The following FASTKD2 variants were observed in gnomAD, a reference collection of about 807,000 sequenced individuals.
FASTKD2 encodes the protein FAST kinase domain-containing protein 2, mitochondrial.
A neutral mutation model predicts 63.6 loss-of-function variants in FASTKD2; 51 were observed. The ratio of observed to expected loss-of-function variants is 0.80; its 90% CI spans 0.64 to 1.01. The LOEUF (loss-of-function observed/expected upper bound fraction) is 1.01. Among genes scored for constraint, FASTKD2 ranks in the 50% least tolerant of loss-of-function variants. The pLI is 0.00. For synonymous variants in FASTKD2, 284 were observed against 293.4 expected (o/e 0.97, Z 0.33); for missense variants, 786 against 831.1 (o/e 0.95, Z 0.67).
Position 206,785,583 on chromosome 2 carries a change from AG to A in FASTKD2, c.1428-1149del, listed in dbSNP as rs1411936783. Among the ~76,000 whole-genome samples the A allele has an allele frequency of 2.0e-5, 3 of 152,142 alleles. No homozygotes were observed. In the East Asian group the frequency reaches 5.8e-4, roughly 29 times the overall value. Reference sequence around the variant, plus strand: ...ACAGGGTGAGGAGTGGGGCAAGAGAAGACCAGAGGGGGGATCATTACCCAGG... The same window carrying A: ...ACAGGGTGAGGAGTGGGGCAAGAGAAACCAGAGGGGGGATCATTACCCAGG... On this transcript the variant is annotated intron_variant, in intron 7 of 11. Coordinates refer to ENST00000402774, the MANE Select transcript of FASTKD2 (RefSeq NM_001136193.2).
rs1689515136 is a variant in FASTKD2, at chr2:206,767,017, T to C, written c.324T>C (p.Tyr108=). ...LTALRIERLL[Y]AKRLFFDSKQ... is the part of the protein sequence containing the mutation. ...CCCTTAGAATTGAAAGACTACTTTA[T>C]GCTAAAAGACTGTTTTTTGACTCAA... is the stretch of plus-strand genomic sequence containing the variant. Residue 108 remains tyrosine, a synonymous_variant, in exon 2 of 12, where the codon TAT becomes TAC. Transcript: ENST00000402774. The C allele has an allele frequency of 1.2e-6, 2 of 1,613,664 alleles. No individual in the cohort carries two copies. The highest frequency in any genetic ancestry group is 1.1e-5 in the South Asian group (1 of 91,066).
At position 206,770,110 on chromosome 2, in the gene FASTKD2, A is replaced by T. The variant is rs1689629128; in HGVS notation, c.797A>T (p.Asp266Val). 6.2e-7 allele frequency: 1 copy of T among 1,605,496 alleles called. No homozygotes were observed. The highest frequency in any genetic ancestry group is 8.5e-7 in the Non-Finnish European group (1 of 1,172,240). ...CAATAGGAACGTATCAATGAGTGTG[A>T]TGAGATATGCCTTTCAGTTTTGTCA... ...RVTQERINEC[D>V]EICLSVLSTV... The change falls in exon 3 of 12, where the codon GAT becomes GTT. Residue 266 changes from aspartate (D) to valine (V), a missense_variant. Physicochemically the swap from Asp to Val is radical, Grantham distance 152. Coordinates refer to ENST00000402774, the MANE Select transcript of FASTKD2 (RefSeq NM_001136193.2).
chr2:206,789,363 G>A (rs1161288117), intron 10 of FASTKD2: 1 of 161,402 alleles, frequency 6.2e-6, no homozygotes, highest in African/African-American at 2.4e-5. Context: ...ATGGGTTAGA[G>A]CACATTGAAG....
chr2:206,766,498 A>G (rs1689477743), intron 1 of FASTKD2, 146 bp from the exon 2 acceptor site: 2 of 560,988 alleles, frequency 3.6e-6, no homozygotes, highest in Admixed American at 6.1e-5. Context: ...GGGAGCCCAC[A>G]TTGGTAAAAA....
chr2:206,786,942 C>G, intron 8 of FASTKD2, 43 bp downstream of exon 8: 2 of 1,024,876 alleles, frequency 2.0e-6, no homozygotes, highest in Non-Finnish European at 3.0e-6. Flanking sequence ...GTGACCAATT[C>G]TGCACTACCA....
intron 2 of FASTKD2, among the ~76,000 whole-genome samples, chr2:206,769,877 G>C (rs1389841169): frequency 6.6e-6 from 1 of 152,170 alleles, no homozygotes; most frequent in African/African-American, 2.4e-5. Context: ...AAAAAGTGTT[G>C]ATGCATAAAA....
In FASTKD2 at chr2:206,795,781, C is replaced by T. The variant is rs1690434080; in HGVS notation, c.*3979C>T. ...TTTTATTTTTCTAGAAGAGCAATAACAGAGACCCCAGGGTGTGGTGTGGCA... is the reference window on the plus strand; with the variant it reads ...TTTTATTTTTCTAGAAGAGCAATAATAGAGACCCCAGGGTGTGGTGTGGCA... On this transcript the variant is annotated 3_prime_UTR_variant, in exon 12 of 12. Transcript: ENST00000402774. 6.6e-6 allele frequency among the ~76,000 whole-genome samples: 1 copy of T among 152,194 alleles called. No homozygotes were observed. The highest frequency in any genetic ancestry group is 2.4e-5 in the African/African-American group (1 of 41,454).
rs543176473 is a variant in FASTKD2, at chr2:206,767,564, A to G, written c.777+94A>G. The G allele has an allele frequency of 2.9e-5, 28 of 969,212 alleles. No homozygotes were observed. The African/African-American group carries it at 4.1e-4, about 14-fold the overall frequency. The allele number at this position is 969,212 out of a possible 1,614,324, so 60.0% of individuals were successfully genotyped here. The stretch of plus-strand genomic sequence containing the variant: ...TAGATATGTAGCCTTCTTAAAAGAG[A>G]CTATCAAATGGAATGGTAGTTTCCT... On this transcript the variant is annotated intron_variant, in intron 2 of 11. Transcript: ENST00000402774.
At chr2:206,774,488 A>G (rs1689771732) in intron 7 of FASTKD2, 91 bp downstream of exon 7, 2 of 826,350 alleles carry the variant, frequency 2.4e-6, no homozygotes, top group Non-Finnish European at 2.0e-6. Flanking sequence ...TTACAAGTGA[A>G]CACACCCATA....
rs143927645 is a variant in FASTKD2 at position 206,770,498 on chromosome 2, C to G, written c.881+304C>G. Among the ~76,000 whole-genome samples the G allele has an allele frequency of 9.8e-3, 1,491 of 152,186 alleles. 26 individuals are homozygous for G. Among genetic ancestry groups the G allele is most frequent in the African/African-American group, 0.033 (1,363 of 41,522 alleles). On this transcript the variant is annotated intron_variant, in intron 3 of 11. Coordinates refer to ENST00000402774, the MANE Select transcript of FASTKD2 (RefSeq NM_001136193.2). ...GTGACTCATGCCTGTAATCCCAGCA[C>G]TTTGGGAGGCCGAGGCAGGCGGATC... is the stretch of plus-strand genomic sequence containing the variant.
At position 206,791,771 on chromosome 2, in the gene FASTKD2, T is replaced by C. The variant is rs1690293144; in HGVS notation, c.2102T>C (p.Val701Ala). ...ATCTATTCAGTAGAAGCTCTTCCTG[T>C]TGCTGCTGTAAATGTGCAAAGCACA... ...TKIYSVEALPVAAVNVQSTQ is the reference protein window; with the variant it reads ...TKIYSVEALPAAAVNVQSTQ Residue 701 changes from valine to alanine, a missense_variant, in exon 12 of 12, where the codon GTT becomes GCT. Coordinates refer to ENST00000402774, the MANE Select transcript of FASTKD2 (RefSeq NM_001136193.2). 4 of 1,613,002 alleles carry C rather than the reference T, an allele frequency of 2.5e-6. No individual in the cohort carries two copies. The highest frequency in any genetic ancestry group is 3.4e-6 in the Non-Finnish European group (4 of 1,179,490).
Position 206,786,541 on chromosome 2 carries a change from T to G in FASTKD2, c.1428-192T>G, listed in dbSNP as rs146544012. On this transcript the variant is annotated intron_variant, in intron 7 of 11. Transcript: ENST00000402774. ...AATGAGTTAAAGTCTATAAAATGTT[T>G]GTCTCGTGCAAGACATACAGCAATA... 501 of 589,926 alleles carry G rather than the reference T, an allele frequency of 8.5e-4. 5 individuals are homozygous for G. Among genetic ancestry groups the G allele is most frequent in the African/African-American group, 8.4e-3 (451 of 53,810 alleles). 36.5% of individuals were successfully genotyped at this position (589,926 alleles called of 1,614,324 possible).
chr2:206,777,737 C>T (rs757427766), intron 7 of FASTKD2, among the ~76,000 whole-genome samples: 1 of 152,158 alleles, frequency 6.6e-6, no homozygotes, highest in Non-Finnish European at 1.5e-5. Flanking sequence ...TAATTCTTCT[C>T]ACAATGTTTG....
At chr2:206,778,860 G>A (rs1049680779) in intron 7 of FASTKD2, among the ~76,000 whole-genome samples, 7 of 152,056 alleles carry the variant, frequency 4.6e-5, no homozygotes, top group African/African-American at 7.2e-5. Flanking sequence ...TCTAGGTTGC[G>A]TGCTCCTTAT....
Position 206,786,774 on chromosome 2 carries a change from T to G in FASTKD2, c.1469T>G (p.Leu490Arg). ...EVMASALTGY[L>R]HTISSENLLD... ...ATGGCTAGTGCTCTGACTGGTTATC[T>G]TCACACTATTTCTTCTGAAAACTTA... Residue 490 changes from leucine (L) to arginine (R), a missense_variant, in exon 8 of 12, where the codon CTT (leucine) becomes CGT (arginine). Coordinates refer to ENST00000402774, the MANE Select transcript of FASTKD2 (RefSeq NM_001136193.2). The G allele has an allele frequency of 6.2e-7, 1 of 1,613,872 alleles. No homozygotes were observed.
Position 206,787,978 on chromosome 2 carries a change from T to G in FASTKD2, c.1636T>G (p.Cys546Gly), listed in dbSNP as rs1250775395. The change falls in exon 9 of 12, where the codon TGT becomes GGT. Residue 546 changes from cysteine (C) to glycine (G), a missense_variant. Cys to Gly is a radical substitution (Grantham distance 159). Transcript: ENST00000402774. The stretch of plus-strand genomic sequence containing the variant: ...TTACAAGCTGCATACTTTGGATACT[T>G]GTCTAAAACTTGATGATACTGTCTA... The part of the protein sequence containing the change: ...NAYKLHTLDT[C>G]LKLDDTVYLR... 1 of 1,613,330 alleles carries G rather than the reference T, an allele frequency of 6.2e-7. No individual in the cohort carries two copies. Among genetic ancestry groups the G allele is most frequent in the African/African-American group, 1.3e-5 (1 of 74,898 alleles).
rs1168245915 is a variant in FASTKD2 at position 206,793,724 on chromosome 2, T to C, written c.*1922T>C. 6.6e-6 allele frequency among the ~76,000 whole-genome samples: 1 copy of C among 152,236 alleles called. No individual in the cohort carries two copies. The highest frequency in any genetic ancestry group is 1.5e-5 in the Non-Finnish European group (1 of 68,044). ...TAGGGTAGTAATTTTCAGTTTGTAC[T>C]AGTTAACCTGGCAGATAAAAAGGCA... On this transcript the variant is annotated 3_prime_UTR_variant, in exon 12 of 12. Coordinates refer to ENST00000402774, the MANE Select transcript of FASTKD2 (RefSeq NM_001136193.2).
intron 3 of FASTKD2, among the ~76,000 whole-genome samples, 159 bp from the exon 4 acceptor site, chr2:206,771,023 C>T (rs1689664847): frequency 6.6e-6 from 1 of 152,118 alleles, no homozygotes; most frequent in Non-Finnish European, 1.5e-5. Context: ...TAGATTGGGT[C>T]TCGATCTTTA....
intron 7 of FASTKD2, among the ~76,000 whole-genome samples, chr2:206,781,584 G>A (rs1689980403): frequency 1.3e-5 from 2 of 151,736 alleles, no homozygotes; most frequent in Admixed American, 1.3e-4. Flanking sequence ...CCAAAGTGCT[G>A]GGATTACAGG....
Sources: gnomAD v4.1 joint callset for allele counts (sites outside exome capture counted in the v4.1 genomes callset) on GRCh38, gnomAD v4.1.1 for gene constraint, MANE v1.5 for transcripts, NCBI Gene and HGNC (gene_info 2026-07-23, HGNC 2026-07-21) for gene names.